The following AMBRA1 variants were observed in gnomAD, a reference collection of about 807,000 sequenced individuals.
AMBRA1 encodes the protein activating molecule in BECN1-regulated autophagy protein 1.
Under a neutral mutation model 125.4 loss-of-function variants are expected in AMBRA1, and 47 were observed. The observed-to-expected ratio is 0.37, with a 90% CI of 0.30 to 0.48. The LOEUF (loss-of-function observed/expected upper bound fraction) is 0.48. AMBRA1 is among the 20% of genes least tolerant of loss of function. The pLI is 0.99. For missense variants in AMBRA1, 1,331 were observed against 1,693.4 expected, an observed-to-expected ratio of 0.79 and a Z score of 3.76; for synonymous variants, 626 against 655.5, an observed-to-expected ratio of 0.95 and a Z score of 0.69.
chr11:46,416,790 G>A (rs751422579), intron 15 of AMBRA1, among the ~76,000 whole-genome samples: 20 of 152,304 alleles, frequency 1.3e-4, no homozygotes, highest in African/African-American at 1.9e-4. Context: ...GCATTTAGTC[G>A]GCTGGAACCT....
chr11:46,521,234 AT>A (rs1951747636), intron 7 of AMBRA1, among the ~76,000 whole-genome samples: 1 of 152,258 alleles, frequency 6.6e-6, no homozygotes, highest in Non-Finnish European at 1.5e-5. Context: ...CATCACCTTC[AT>A]CCCCTCTGGT....
chr11:46,509,679 A>G (rs1054891521), intron 8 of AMBRA1, among the ~76,000 whole-genome samples: 1 of 152,190 alleles, frequency 6.6e-6, no homozygotes, highest in Non-Finnish European at 1.5e-5. Context: ...CTTAAGTGGG[A>G]GAAAAATTGA....
chr11:46,519,878 G>A (rs1231125422), intron 7 of AMBRA1, among the ~76,000 whole-genome samples: 5 of 152,112 alleles, frequency 3.3e-5, no homozygotes, highest in Non-Finnish European at 5.9e-5. Flanking sequence ...GGTGGCTCAC[G>A]CCTGTAATCC....
chr11:46,513,879 C>T (rs1439176694), intron 7 of AMBRA1, among the ~76,000 whole-genome samples: 2 of 150,178 alleles, frequency 1.3e-5, no homozygotes, highest in African/African-American at 4.9e-5. Flanking sequence ...ATTTTAGCTA[C>T]AACTTTTTTT....
chr11:46,423,668 GGCGTGAGCCACCGT>G (rs1159714115), intron 14 of AMBRA1, among the ~76,000 whole-genome samples: 2 of 152,222 alleles, frequency 1.3e-5, no homozygotes, highest in Middle Eastern at 3.4e-3. Context: ...TGGGATTACA[GGCGTGAGCCACCGT>G]GCCCGGCCAA....
chr11:46,590,531 T>C (rs2044560045), intron 1 of AMBRA1, among the ~76,000 whole-genome samples: 2 of 151,934 alleles, frequency 1.3e-5, no homozygotes, highest in Admixed American at 6.6e-5. Context: ...TCTAACGATA[T>C]ACAAAACTAA....
At chr11:46,561,939 C>A (rs2043351173) in intron 1 of AMBRA1, among the ~76,000 whole-genome samples, 1 of 152,068 alleles carries the variant, frequency 6.6e-6, no homozygotes. Context: ...GATAAATAAC[C>A]AACAAGCATT....
chr11:46,543,533 C>T (rs1044568499), intron 6 of AMBRA1, 135 bp from the exon 7 acceptor site: 23 of 1,131,288 alleles, frequency 2.0e-5, no homozygotes, highest in African/African-American at 3.1e-5. Flanking sequence ...AACTCTCTAC[C>T]CCTGAAGCAC....
intron 16 of AMBRA1, 108 bp downstream of exon 16, chr11:46,410,168 T>C: frequency 1.1e-6 from 1 of 946,028 alleles, no homozygotes. Context: ...GCTGCTCTGG[T>C]TGAGGAGGGA....
chr11:46,503,436 T>C (rs1327694968), intron 9 of AMBRA1, among the ~76,000 whole-genome samples: 2 of 152,296 alleles, frequency 1.3e-5, no homozygotes, highest in East Asian at 3.9e-4. Context: ...CAATTACAAT[T>C]GATCACAGGT....
intron 5 of AMBRA1, among the ~76,000 whole-genome samples, chr11:46,544,243 A>G (rs1480623721): frequency 6.6e-6 from 1 of 152,238 alleles, no homozygotes; most frequent in African/African-American, 2.4e-5. Context: ...AGGAATATGT[A>G]TCACAAAAAT....
intron 17 of AMBRA1, among the ~76,000 whole-genome samples, chr11:46,402,020 T>A (rs910503071): frequency 1.3e-5 from 2 of 152,190 alleles, no homozygotes; most frequent in Non-Finnish European, 2.9e-5. Context: ...CAGATGGGCA[T>A]ACACTGTGCA....
At chr11:46,450,890 C>G (rs1389490702) in intron 11 of AMBRA1, among the ~76,000 whole-genome samples, 1 of 152,192 alleles carries the variant, frequency 6.6e-6, no homozygotes, top group Non-Finnish European at 1.5e-5. Flanking sequence ...AATGATGTGT[C>G]TACGTTGGTT....
intron 1 of AMBRA1, among the ~76,000 whole-genome samples, chr11:46,558,821 C>T (rs1235912764): frequency 1.3e-5 from 2 of 151,988 alleles, no homozygotes; most frequent in Admixed American, 6.6e-5. Flanking sequence ...TGTCATAGTC[C>T]CAGTACCTAG....
Position 46,397,425 on chromosome 11 carries a change from G to A in AMBRA1, c.*25C>T. On this transcript the variant is annotated 3_prime_UTR_variant, in exon 18 of 18. Transcript: ENST00000683756. ...CCGGTTTCTGCTTGGCGGTTCGAGG[G>A]GAGGCACCAGTGCAACGTTTGTCTC... 3.4e-6 allele frequency: 5 copies of A among 1,471,502 alleles called. No homozygotes were observed. The highest frequency in any genetic ancestry group is 4.5e-6 in the Non-Finnish European group (5 of 1,108,622). The allele number at this position is 1,471,502 out of a possible 1,614,324, so 91.2% of individuals were successfully genotyped here.
At chr11:46,526,269 T>G (rs1156853255) in intron 7 of AMBRA1, among the ~76,000 whole-genome samples, 1 of 150,834 alleles carries the variant, frequency 6.6e-6, no homozygotes, top group Non-Finnish European at 1.5e-5. Context: ...GCCCTTAGAG[T>G]AGTCAATCTC....
rs148042064 is a variant in AMBRA1, at chr11:46,538,099, C to T, written c.2072+3846G>A. 1.1e-3 allele frequency among the ~76,000 whole-genome samples: 165 copies of T among 152,256 alleles called. 2 individuals carry two copies. Among genetic ancestry groups the T allele is most frequent in the Admixed American group, 3.1e-3 (48 of 15,298 alleles). ...TTAGAAGGCAGAGGAAGAGGCAGAC[C>T]AGCACCTGTTTGTCTTAGTGATTTA... is the stretch of plus-strand genomic sequence containing the variant. On this transcript the variant is annotated intron_variant, in intron 7 of 17. Coordinates refer to ENST00000683756, the MANE Select transcript of AMBRA1 (RefSeq NM_001387011.1).
At chr11:46,448,057 C>T (rs989091909) in intron 11 of AMBRA1, among the ~76,000 whole-genome samples, 2 of 152,212 alleles carry the variant, frequency 1.3e-5, no homozygotes, top group Non-Finnish European at 2.9e-5. Context: ...AGAGAGATGT[C>T]CTTGTGTAAG....
intron 7 of AMBRA1, among the ~76,000 whole-genome samples, chr11:46,514,153 A>G (rs898298154): frequency 6.6e-6 from 1 of 152,224 alleles, no homozygotes; most frequent in African/African-American, 2.4e-5. Context: ...GACCTGCAGG[A>G]TAAGGACAGC....
Sources: allele counts gnomAD v4.1 joint callset (sites outside exome capture counted in the v4.1 genomes callset), GRCh38; gene constraint gnomAD v4.1.1; transcripts MANE v1.5; gene names NCBI Gene and HGNC (gene_info 2026-07-23, HGNC 2026-07-21).